Variants in CEP85 observed in about 807,000 individuals in gnomAD.
CEP85 encodes the protein centrosomal protein 85, also known as centrosomal protein of 85 kDa.
In CEP85, 58 loss-of-function variants were observed where a neutral mutation model predicts 93.7. The ratio of observed to expected loss-of-function variants is 0.62; its 90% CI spans 0.50 to 0.77. The LOEUF is 0.77. CEP85 is among the 30% of genes least tolerant of loss of function. The probability of loss-of-function intolerance (pLI) is 0.00; values close to 1 mark genes in which losing one functional copy is unlikely to be tolerated. For synonymous variants in CEP85, 314 were observed against 338.6 expected, an observed-to-expected ratio of 0.93 and a Z score of 0.80; for missense variants, 868 against 922.0, an observed-to-expected ratio of 0.94 and a Z score of 0.76.
At chr1:26,247,283 G>A (rs935055406) in intron 3 of CEP85, among the ~76,000 whole-genome samples, 1 of 152,160 alleles carries the variant, frequency 6.6e-6, no homozygotes, top group Non-Finnish European at 1.5e-5. Context: ...ATTGATTGTA[G>A]TGATTATGCA....
chr1:26,246,199 A>G lies in CEP85; in HGVS notation c.208+1881A>G, dbSNP rs1193570845. 2.6e-5 allele frequency among the ~76,000 whole-genome samples: 4 copies of G among 152,172 alleles called. No individual in the cohort carries two copies. In the East Asian group the frequency reaches 7.7e-4, roughly 29 times the overall value. On this transcript the variant is annotated intron_variant, in intron 3 of 13. Transcript: ENST00000451429. The stretch of plus-strand genomic sequence containing the variant: ...TTTGGAAAACAGGCAGTTCCTCAAA[A>G]GGTTAAACATAGAGTTATTCCTGAC...
rs756120331 is a variant in CEP85 at position 26,258,188 on chromosome 1, C to T, written c.1083C>T (p.Ser361=). The change falls in exon 6 of 14, where the codon AGC becomes AGT. Residue 361 remains serine (S), a synonymous_variant. Coordinates refer to ENST00000451429, the MANE Select transcript of CEP85 (RefSeq NM_001319944.2). ...ISQLEQKVRE[S]ELQVHSALLG... is the part of the protein sequence containing the mutation. Reference sequence around the variant, plus strand: ...AGCTGGAGCAGAAAGTGCGAGAGAGCGAACTGCAAGTCCACAGTGCCCTCT... The same window carrying T: ...AGCTGGAGCAGAAAGTGCGAGAGAGTGAACTGCAAGTCCACAGTGCCCTCT... The T allele has an allele frequency of 1.1e-5, 18 of 1,613,926 alleles. No individual in the cohort carries two copies. The highest frequency in any genetic ancestry group is 2.2e-5 in the East Asian group (1 of 44,884).
chr1:26,270,725 CAT>C (rs1463494489), intron 9 of CEP85, among the ~76,000 whole-genome samples: 1 of 152,212 alleles, frequency 6.6e-6, no homozygotes, highest in South Asian at 2.1e-4. Context: ...AATCTAAATA[CAT>C]GTGATAAATA....
intron 3 of CEP85, among the ~76,000 whole-genome samples, chr1:26,252,349 A>T (rs1359901804): frequency 6.6e-6 from 1 of 151,996 alleles, no homozygotes; most frequent in Non-Finnish European, 1.5e-5. Flanking sequence ...CCTGACCAGC[A>T]TGGAGAAGCC....
At chr1:26,239,591 A>T (rs1232009054) in intron 1 of CEP85, among the ~76,000 whole-genome samples, 171 bp from the exon 2 acceptor site, 1 of 147,110 alleles carries the variant, frequency 6.8e-6, no homozygotes, top group Non-Finnish European at 1.5e-5. Flanking sequence ...ACCTCAGTTG[A>T]TCTGCCCGCC....
At chr1:26,253,937 G>T (rs2089657422) in intron 3 of CEP85, among the ~76,000 whole-genome samples, 1 of 152,002 alleles carries the variant, frequency 6.6e-6, no homozygotes, top group Non-Finnish European at 1.5e-5. Flanking sequence ...CGAGGCTGCA[G>T]TGAACTGTGA....
chr1:26,240,908 A>AG (rs111451385), intron 2 of CEP85, among the ~76,000 whole-genome samples: 8 of 151,986 alleles, frequency 5.3e-5, no homozygotes, highest in African/African-American at 1.7e-4. Context: ...AAAAAAAAAA[A>AG]GGGGAAAAAA....
rs773418615 is a variant in CEP85, at chr1:26,258,250, T to C, written c.1145T>C (p.Leu382Pro). ...RPAPFGDVCLLRLQELQRENT... is the reference protein window; with the variant it reads ...RPAPFGDVCLPRLQELQRENT... ...GCCCCCTTTGGTGATGTCTGCTTGC[T>C]GAGGCTACAGGTAAGTATTGGCCAT... Residue 382 changes from leucine to proline, a missense_variant, in exon 6 of 14, where the codon CTG becomes CCG. Physicochemically the swap from Leu to Pro is moderately conservative, Grantham distance 98 (BLOSUM62 -3). Coordinates refer to ENST00000451429, the MANE Select transcript of CEP85 (RefSeq NM_001319944.2). 2 of 1,611,252 alleles carry C rather than the reference T, an allele frequency of 1.2e-6. No homozygotes were observed. Among genetic ancestry groups the C allele is most frequent in the Non-Finnish European group, 1.7e-6 (2 of 1,177,516 alleles).
intron 3 of CEP85, among the ~76,000 whole-genome samples, chr1:26,251,131 T>C (rs2089606651): frequency 6.6e-6 from 1 of 150,654 alleles, no homozygotes; most frequent in East Asian, 2.0e-4. Context: ...TTAGTAGAGA[T>C]GGGGTTTCAC....
At chr1:26,269,879 C>T (rs1311173015) in intron 9 of CEP85, among the ~76,000 whole-genome samples, 2 of 149,042 alleles carry the variant, frequency 1.3e-5, no homozygotes, top group Non-Finnish European at 3.0e-5. Context: ...CTCCGCCTCC[C>T]AGGTTCACAC....
intron 3 of CEP85, among the ~76,000 whole-genome samples, chr1:26,253,202 GACAT>G (rs1271932834): frequency 1.3e-5 from 2 of 152,074 alleles, no homozygotes; most frequent in East Asian, 1.9e-4. Context: ...ATATCTCTTG[GACAT>G]ACATATTTCA....
At chr1:26,273,009 A>AAGAAAGG (rs942561310) in intron 11 of CEP85, among the ~76,000 whole-genome samples, 2 of 152,066 alleles carry the variant, frequency 1.3e-5, no homozygotes, top group Admixed American at 1.3e-4. Flanking sequence ...TCCTGGAGAG[A>AAGAAAGG]AGAAAGGTCC....
intron 1 of CEP85, among the ~76,000 whole-genome samples, chr1:26,236,909 A>G (rs988528964): frequency 2.0e-5 from 3 of 152,234 alleles, no homozygotes; most frequent in Non-Finnish European, 4.4e-5. Context: ...TGTTATCAAT[A>G]GAAAGGAATG....
intron 3 of CEP85, among the ~76,000 whole-genome samples, chr1:26,252,776 G>C (rs1227070375): frequency 6.6e-6 from 1 of 152,142 alleles, no homozygotes; most frequent in East Asian, 1.9e-4. Flanking sequence ...ATATCCCCAA[G>C]ATCATCTTCA....
chr1:26,253,502 G>C (rs1277213474), intron 3 of CEP85, among the ~76,000 whole-genome samples: 5 of 150,520 alleles, frequency 3.3e-5, no homozygotes, highest in East Asian at 2.0e-4. Flanking sequence ...CGATCCTCCT[G>C]CCTCAGCCTC....
chr1:26,259,759 C>T lies in CEP85; in HGVS notation c.1298C>T (p.Ala433Val), dbSNP rs972436888. 6.2e-6 allele frequency: 10 copies of T among 1,613,172 alleles called. No homozygotes were observed. The highest frequency in any genetic ancestry group is 5.3e-5 in the African/African-American group (4 of 74,870). Residue 433 changes from alanine (A) to valine (V), a missense_variant, in exon 7 of 14, where the codon GCG becomes GTG. Ala to Val is a moderately conservative substitution (Grantham distance 64). Coordinates refer to ENST00000451429, the MANE Select transcript of CEP85 (RefSeq NM_001319944.2). ...VQLIRESLKV[A>V]LQKHSEEVKK... ...CTCATCAGAGAGTCGCTCAAAGTGGCGTTGCAGAAGCATTCTGAGGAAGTG... is the reference window on the plus strand; with the variant it reads ...CTCATCAGAGAGTCGCTCAAAGTGGTGTTGCAGAAGCATTCTGAGGAAGTG...
intron 3 of CEP85, chr1:26,254,490 G>C (rs1462769959): frequency 1.3e-5 from 2 of 152,030 alleles, no homozygotes; most frequent in Non-Finnish European, 2.9e-5. Flanking sequence ...ATATAAAATA[G>C]AGGATTTCAG....
At chr1:26,236,633 T>C (rs914365204) in intron 1 of CEP85, among the ~76,000 whole-genome samples, 1 of 152,214 alleles carries the variant, frequency 6.6e-6, no homozygotes, top group Non-Finnish European at 1.5e-5. Context: ...TTTTGAGATA[T>C]TTGTTGTCAA....
chr1:26,240,913 A>G (rs189876731), intron 2 of CEP85, among the ~76,000 whole-genome samples: 162 of 151,658 alleles, frequency 1.1e-3, no homozygotes, highest in African/African-American at 3.4e-3. Context: ...AAAAAAGGGG[A>G]AAAAAAAGAA....
Sources: gnomAD v4.1 joint callset for allele counts (sites outside exome capture counted in the v4.1 genomes callset) on GRCh38, gnomAD v4.1.1 for gene constraint, MANE v1.5 for transcripts, NCBI Gene and HGNC (gene_info 2026-07-23, HGNC 2026-07-21) for gene names.